UBAC2: variants seen among roughly 807,000 people sequenced by gnomAD.
UBAC2 encodes the protein UBA domain containing 2.
A neutral mutation model predicts 44.0 loss-of-function variants in UBAC2; 26 were observed. The observed-to-expected ratio is 0.59, with a 90% CI of 0.43 to 0.82. The LOEUF (loss-of-function observed/expected upper bound fraction) is 0.82, where lower values mean the gene tolerates loss of function less well. Among genes scored for constraint, UBAC2 ranks in the 40% least tolerant of loss-of-function variants. UBAC2 has a pLI of 0.00. For missense variants in UBAC2, 329 were observed against 419.4 expected, an observed-to-expected ratio of 0.78 and a Z score of 1.88; for synonymous variants, 155 against 154.3, an observed-to-expected ratio of 1.00 and a Z score of -0.04.
intron 4 of UBAC2, among the ~76,000 whole-genome samples, chr13:99,273,694 C>T (rs2138670178): frequency 6.6e-6 from 1 of 152,040 alleles, no homozygotes; most frequent in South Asian, 2.1e-4. Flanking sequence ...CAGATTCATC[C>T]ATTTGGGTTG....
At chr13:99,269,823 G>T (rs1445053651) in intron 4 of UBAC2, among the ~76,000 whole-genome samples, 1 of 152,186 alleles carries the variant, frequency 6.6e-6, no homozygotes, top group East Asian at 1.9e-4. Flanking sequence ...CACTGCACTA[G>T]ATGGCAGTGT....
intron 6 of UBAC2, among the ~76,000 whole-genome samples, chr13:99,338,755 T>G (rs2044839437): frequency 6.6e-6 from 1 of 152,242 alleles, no homozygotes; most frequent in Non-Finnish European, 1.5e-5. Flanking sequence ...TGTAAACACC[T>G]TGTTTATCAA....
intron 4 of UBAC2, among the ~76,000 whole-genome samples, chr13:99,257,558 ATGAG>A (rs1170682049): frequency 2.6e-5 from 4 of 152,304 alleles, no homozygotes; most frequent in African/African-American, 9.6e-5. Context: ...TTGAAAAAAA[ATGAG>A]TGATGCATGT....
chr13:99,311,923 C>T (rs1206222388), intron 4 of UBAC2, among the ~76,000 whole-genome samples: 1 of 152,206 alleles, frequency 6.6e-6, no homozygotes, highest in Non-Finnish European at 1.5e-5. Flanking sequence ...CGTGCACCTC[C>T]GTCTGCCACC....
chr13:99,339,638 GA>G (rs1252480266), intron 6 of UBAC2, among the ~76,000 whole-genome samples: 2 of 118,914 alleles, frequency 1.7e-5, no homozygotes, highest in East Asian at 4.1e-4. Context: ...TTCACATCAA[GA>G]TTTTTTTTTT....
chr13:99,354,846 G>A lies in UBAC2; in HGVS notation c.808-12941G>A, dbSNP rs188027760. Among the ~76,000 whole-genome samples the A allele has an allele frequency of 1.4e-4, 22 of 152,238 alleles. No individual in the cohort carries two copies. The East Asian group carries it at 4.1e-3, about 28-fold the overall frequency. ...TACTGGCAGTCATGTCATCCAAGAA[G>A]TTGTTGGCATAATCTCGGAGTGCAA... On this transcript the variant is annotated intron_variant, in intron 7 of 8. Transcript: ENST00000403766.
At chr13:99,291,286 A>G (rs1028077110) in intron 4 of UBAC2, among the ~76,000 whole-genome samples, 1 of 152,340 alleles carries the variant, frequency 6.6e-6, no homozygotes, top group South Asian at 2.1e-4. Flanking sequence ...CTTTTAAGCA[A>G]CCTGCTTTTC....
intron 4 of UBAC2, chr13:99,255,829 C>T: frequency 6.2e-7 from 1 of 1,603,700 alleles, no homozygotes; most frequent in South Asian, 1.1e-5. Context: ...TGGATGTGAG[C>T]TGTTAAAAGG....
chr13:99,244,640 A>G lies in UBAC2; in HGVS notation c.389+16A>G, dbSNP rs1243406036. 1 of 1,472,022 alleles carries G rather than the reference A, an allele frequency of 6.8e-7. No individual in the cohort carries two copies. Among genetic ancestry groups the G allele is most frequent in the Non-Finnish European group, 9.5e-7 (1 of 1,052,958 alleles). The allele number at this position is 1,472,022 out of a possible 1,614,324, so 91.2% of individuals were successfully genotyped here. ...CTTCTGGATTGTAAGTAGCACTTAAAGATTGACTTAATTTAGAACTACTTG... is the reference window on the plus strand; with the variant it reads ...CTTCTGGATTGTAAGTAGCACTTAAGGATTGACTTAATTTAGAACTACTTG... On this transcript the variant is annotated intron_variant, in intron 4 of 8. Coordinates refer to ENST00000403766, the MANE Select transcript of UBAC2 (RefSeq NM_001144072.2).
chr13:99,264,182 C>T (rs12857217), intron 4 of UBAC2, among the ~76,000 whole-genome samples: 25,108 of 152,118 alleles, frequency 0.17, 2,363 homozygotes, highest in Middle Eastern at 0.23. Context: ...TTTTGAGAGA[C>T]GGTAAGCTTG....
At chr13:99,246,752 C>G (rs1261384639) in intron 4 of UBAC2, among the ~76,000 whole-genome samples, 1 of 152,178 alleles carries the variant, frequency 6.6e-6, no homozygotes, top group Non-Finnish European at 1.5e-5. Flanking sequence ...CTATTTAAAT[C>G]TCAGTTTGTA....
At chr13:99,381,179 C>T (rs2045545887) in intron 8 of UBAC2, among the ~76,000 whole-genome samples, 1 of 152,270 alleles carries the variant, frequency 6.6e-6, no homozygotes, top group Non-Finnish European at 1.5e-5. Context: ...TCTTCCCTCT[C>T]CAGGGCAGGG....
intron 4 of UBAC2, among the ~76,000 whole-genome samples, chr13:99,245,442 G>C (rs2043371303): frequency 6.6e-6 from 1 of 152,136 alleles, no homozygotes; most frequent in South Asian, 2.1e-4. Flanking sequence ...CTCAGAATTT[G>C]TATGCTTTCA....
At chr13:99,202,137 C>T (rs1236685761) in intron 1 of UBAC2, among the ~76,000 whole-genome samples, 1 of 151,434 alleles carries the variant, frequency 6.6e-6, no homozygotes, top group Non-Finnish European at 1.5e-5. Flanking sequence ...ATGTGTGTCT[C>T]GTCTTATAGT....
At chr13:99,264,409 T>G (rs899421714) in intron 4 of UBAC2, among the ~76,000 whole-genome samples, 9 of 152,234 alleles carry the variant, frequency 5.9e-5, no homozygotes, top group Non-Finnish European at 8.8e-5. Context: ...TGTATATGTG[T>G]TACCTTTCCT....
chr13:99,325,143 C>A (rs1024807657), intron 6 of UBAC2, among the ~76,000 whole-genome samples: 2 of 145,276 alleles, frequency 1.4e-5, no homozygotes, highest in African/African-American at 5.0e-5. Flanking sequence ...CTCACTGTCA[C>A]CCAGGCTGGA....
intron 8 of UBAC2, among the ~76,000 whole-genome samples, chr13:99,375,918 C>T (rs2045474350): frequency 6.7e-6 from 1 of 148,692 alleles, no homozygotes; most frequent in South Asian, 2.1e-4. Flanking sequence ...ATCCTCCCAA[C>T]TCTGCCTCCT....
chr13:99,363,514 C>T (rs1044979894), intron 7 of UBAC2, among the ~76,000 whole-genome samples: 7 of 152,204 alleles, frequency 4.6e-5, no homozygotes, highest in African/African-American at 9.6e-5. Context: ...CAGCCCAGGC[C>T]GGCGGGGCAG....
At chr13:99,237,655 A>G (rs2043254081) in intron 1 of UBAC2, among the ~76,000 whole-genome samples, 1 of 152,254 alleles carries the variant, frequency 6.6e-6, no homozygotes, top group African/African-American at 2.4e-5. Flanking sequence ...AAAGAGAGAT[A>G]TTTAAGATAA....
Sources: allele counts gnomAD v4.1 joint callset (sites outside exome capture counted in the v4.1 genomes callset), GRCh38; gene constraint gnomAD v4.1.1; transcripts MANE v1.5; gene names NCBI Gene and HGNC (gene_info 2026-07-23, HGNC 2026-07-21).